Variants in TPO observed in about 807,000 individuals in gnomAD.
TPO encodes thyroid peroxidase, also known as thyroid microsomal antigen.
TPO carries 78 observed loss-of-function variants against 96.9 expected under a neutral mutation model. That is an observed-to-expected ratio of 0.81 (90% CI 0.67 to 0.97). The LOEUF (loss-of-function observed/expected upper bound fraction) is 0.97. Ranked by LOEUF, TPO falls within the 50% of genes least tolerant of loss-of-function variation. The probability of loss-of-function intolerance (pLI) is 0.00; values close to 1 mark genes in which losing one functional copy is unlikely to be tolerated. For synonymous variants in TPO, 547 were observed against 538.0 expected (o/e 1.02, Z -0.23); for missense variants, 1,252 against 1,274.8 (o/e 0.98, Z 0.27).
intron 1 of TPO, among the ~76,000 whole-genome samples, chr2:1,403,829 C>T (rs1280235810): frequency 1.3e-5 from 2 of 152,114 alleles, no homozygotes; most frequent in Non-Finnish European, 1.5e-5. Context: ...CACGCCGGGC[C>T]CCACCAAATC....
intron 7 of TPO, 107 bp from the exon 8 acceptor site, chr2:1,476,979 C>G (rs1003489822): frequency 1.4e-6 from 2 of 1,391,020 alleles, no homozygotes; most frequent in African/African-American, 2.8e-5. Flanking sequence ...ACTGGAGGGG[C>G]AGAGAAACGT....
intron 15 of TPO, 141 bp from the exon 16 acceptor site, chr2:1,540,448 TGACTG>T (rs1466771732): frequency 1.7e-5 from 26 of 1,571,922 alleles, no homozygotes; most frequent in Non-Finnish European, 2.0e-5. Flanking sequence ...ATGATCGACT[TGACTG>T]AAGTGTGAAA....
At chr2:1,406,350 T>G (rs979201892) in intron 1 of TPO, among the ~76,000 whole-genome samples, 2 of 152,238 alleles carry the variant, frequency 1.3e-5, no homozygotes, top group Non-Finnish European at 2.9e-5. Context: ...TTTTTAAAAT[T>G]TATTTTTCCA....
intron 9 of TPO, among the ~76,000 whole-genome samples, chr2:1,486,354 T>G (rs1044714095): frequency 3.9e-5 from 6 of 152,146 alleles, no homozygotes; most frequent in African/African-American, 1.4e-4. Context: ...AAACCCCATC[T>G]CTACTAAAAA....
chr2:1,477,134 T>C lies in TPO; in HGVS notation c.868T>C (p.Tyr290His), dbSNP rs374423992. Residue 290 changes from tyrosine (Y) to histidine (H), a missense_variant, in exon 8 of 17, where the codon TAC becomes CAC. Tyr to His is a moderately conservative substitution (Grantham distance 83). Transcript: ENST00000329066. ...CGCGGGCACCGCCTGTCTGCCCTTC[T>C]ACCGCTCTTCGGCCGCCTGCGGCAC... ...PAAGTACLPF[Y>H]RSSAACGTGD... 3.4e-5 allele frequency: 55 copies of C among 1,610,188 alleles called. No homozygotes were observed. Among genetic ancestry groups the C allele is most frequent in the East Asian group, 6.7e-5 (3 of 44,822 alleles).
chr2:1,506,890 T>G (rs1455659089), intron 14 of TPO, among the ~76,000 whole-genome samples: 20 of 152,166 alleles, frequency 1.3e-4, no homozygotes, highest in Admixed American at 4.6e-4. Context: ...TTAGTTTAAT[T>G]AGATCCCATT....
intron 15 of TPO, among the ~76,000 whole-genome samples, chr2:1,523,002 A>G (rs1426079262): frequency 1.0e-5 from 1 of 99,760 alleles, no homozygotes. Context: ...CGCTGTGCAA[A>G]CTCCCCAGAT....
chr2:1,418,191 G>A (rs1338842394), intron 2 of TPO, among the ~76,000 whole-genome samples: 1 of 151,784 alleles, frequency 6.6e-6, no homozygotes, highest in South Asian at 2.1e-4. Flanking sequence ...GGAGGCTGAG[G>A]CACGAGAATC....
intron 8 of TPO, among the ~76,000 whole-genome samples, chr2:1,484,121 A>C (rs116040513): frequency 6.6e-6 from 1 of 152,234 alleles, no homozygotes; most frequent in Non-Finnish European, 1.5e-5. Context: ...CATGTATCAA[A>C]TCGTAATTTC....
In TPO at chr2:1,453,704, A is replaced by C. The variant is rs1259522290; in HGVS notation, c.493A>C (p.Arg165=). The C allele has an allele frequency of 6.2e-7, 1 of 1,613,928 alleles. No homozygotes were observed. Among genetic ancestry groups the C allele is most frequent in the Non-Finnish European group, 8.5e-7 (1 of 1,180,020 alleles). The change falls in exon 6 of 17, where the codon AGA becomes CGA. Residue 165 remains arginine, a synonymous_variant. Coordinates refer to ENST00000329066, the MANE Select transcript of TPO (RefSeq NM_001206744.2). The stretch of plus-strand genomic sequence containing the variant: ...CATTTGTCTCCACAGAGACCACCCC[A>C]GATGGGGCGCCTCCAACACGGCCCT... ...TGACNNRDHP[R]WGASNTALAR... is the part of the protein sequence containing the mutation.
At chr2:1,500,990 T>C (rs1273510907) in intron 13 of TPO, among the ~76,000 whole-genome samples, 5 of 142,166 alleles carry the variant, frequency 3.5e-5, no homozygotes, top group Non-Finnish European at 7.7e-5. Context: ...AAAAAAAAAC[T>C]GGCAAATGCA....
intron 1 of TPO, among the ~76,000 whole-genome samples, chr2:1,383,942 C>A (rs925065098): frequency 5.3e-5 from 8 of 152,270 alleles, no homozygotes; most frequent in Middle Eastern, 3.4e-3. Flanking sequence ...ATATGGCTAG[C>A]CAGTTTTCCC....
At chr2:1,526,131 C>A (rs1331904916) in intron 15 of TPO, among the ~76,000 whole-genome samples, 1 of 86,820 alleles carries the variant, frequency 1.2e-5, no homozygotes, top group Non-Finnish European at 2.2e-5. Flanking sequence ...TGTGCAACCT[C>A]CCCCATCCCT....
Position 1,496,095 on chromosome 2 carries a change from C to T in TPO, c.2113C>T (p.Pro705Ser). Residue 705 changes from proline (P) to serine (S), a missense_variant, in exon 12 of 17, where the codon CCC becomes TCC. By Grantham distance (74) the Pro-to-Ser change is moderately conservative. Coordinates refer to ENST00000329066, the MANE Select transcript of TPO (RefSeq NM_001206744.2). ...ICDNTGLTRV[P>S]MDAFQVGKFP... Reference sequence around the variant, plus strand: ...TGACAACACTGGCCTCACCAGGGTGCCCATGGATGCCTTCCAAGTCGGCAA... The same window carrying T: ...TGACAACACTGGCCTCACCAGGGTGTCCATGGATGCCTTCCAAGTCGGCAA... The T allele has an allele frequency of 1.2e-6, 2 of 1,614,040 alleles. No homozygotes were observed. The highest frequency in any genetic ancestry group is 1.7e-6 in the Non-Finnish European group (2 of 1,180,002).
intron 9 of TPO, among the ~76,000 whole-genome samples, chr2:1,485,872 A>G (rs28913274): frequency 0.015 from 2,254 of 152,126 alleles, 54 homozygotes; most frequent in African/African-American, 0.051. Flanking sequence ...TCACTCTGAT[A>G]GTGGTTTCTA....
chr2:1,424,570 A>T (rs1358852155), intron 3 of TPO, among the ~76,000 whole-genome samples: 1 of 152,192 alleles, frequency 6.6e-6, no homozygotes, highest in South Asian at 2.1e-4. Context: ...CAATGCCTTG[A>T]TCCTAAGGAT....
intron 7 of TPO, among the ~76,000 whole-genome samples, chr2:1,471,449 C>CCCA (rs1553313328): frequency 2.6e-5 from 4 of 151,814 alleles, no homozygotes; most frequent in African/African-American, 7.3e-5. Context: ...GACCCCCCCC[C>CCCA]ACAAATTTTG....
At chr2:1,459,238 G>A (rs374194112) in intron 7 of TPO, among the ~76,000 whole-genome samples, 6 of 151,284 alleles carry the variant, frequency 4.0e-5, no homozygotes, top group African/African-American at 1.2e-4. Flanking sequence ...TGCAACCTCC[G>A]CCTCCCGGGT....
At chr2:1,466,141 G>A (rs904325567) in intron 7 of TPO, among the ~76,000 whole-genome samples, 1 of 152,108 alleles carries the variant, frequency 6.6e-6, no homozygotes, top group African/African-American at 2.4e-5. Context: ...TGCATCTATC[G>A]AGACGATCAT....
Sources: allele counts gnomAD v4.1 joint callset (sites outside exome capture counted in the v4.1 genomes callset), GRCh38; gene constraint gnomAD v4.1.1; transcripts MANE v1.5; gene names NCBI Gene and HGNC (gene_info 2026-07-23, HGNC 2026-07-21).